Variants in CTNNA3 observed in about 807,000 individuals in gnomAD.
CTNNA3 encodes catenin alpha-3.
CTNNA3 carries 76 observed loss-of-function variants against 95.7 expected under a neutral mutation model. The ratio of observed to expected loss-of-function variants is 0.79; its 90% CI spans 0.66 to 0.96. CTNNA3 has a LOEUF of 0.96. CTNNA3 is among the 40% of genes least tolerant of loss of function. The probability of loss-of-function intolerance (pLI) is 0.00; values close to 1 mark genes in which losing one functional copy is unlikely to be tolerated. For missense variants in CTNNA3, 1,191 were observed against 1,089.8 expected, an observed-to-expected ratio of 1.09 and a Z score of -1.31; for synonymous variants, 431 against 374.4, an observed-to-expected ratio of 1.15 and a Z score of -1.74.
chr10:66,302,429 C>A (rs1299725711), intron 12 of CTNNA3, among the ~76,000 whole-genome samples: 1 of 152,036 alleles, frequency 6.6e-6, no homozygotes, highest in Non-Finnish European at 1.5e-5. Context: ...TACTATAAAG[C>A]TACAGTAATC....
intron 1 of CTNNA3, among the ~76,000 whole-genome samples, chr10:67,690,570 T>C (rs1840824631): frequency 6.6e-6 from 1 of 152,150 alleles, no homozygotes; most frequent in Admixed American, 6.5e-5. Flanking sequence ...AGAGCGCTGA[T>C]TGGTGCATTT....
At chr10:67,045,261 A>G (rs1854654031) in intron 7 of CTNNA3, among the ~76,000 whole-genome samples, 1 of 152,244 alleles carries the variant, frequency 6.6e-6, no homozygotes, top group African/African-American at 2.4e-5. Flanking sequence ...TTGTGACAGT[A>G]GAGTATAAAC....
At chr10:66,708,010 A>C (rs1848172327) in intron 9 of CTNNA3, among the ~76,000 whole-genome samples, 1 of 152,132 alleles carries the variant, frequency 6.6e-6, no homozygotes, top group Non-Finnish European at 1.5e-5. Context: ...AAAGTCACTC[A>C]ATCTAGGGTC....
In CTNNA3 at chr10:67,192,078, T is replaced by A. The variant is rs1379756397; in HGVS notation, c.844-11558A>T. 3.3e-5 allele frequency among the ~76,000 whole-genome samples: 5 copies of A among 151,848 alleles called. No individual in the cohort carries two copies. The East Asian group carries it at 9.6e-4, about 29-fold the overall frequency. On this transcript the variant is annotated intron_variant, in intron 6 of 17. Coordinates refer to ENST00000433211, the MANE Select transcript of CTNNA3 (RefSeq NM_013266.4). The stretch of plus-strand genomic sequence containing the variant: ...CCCTTATCTACACCACTCACAAAAA[T>A]TAACTTGAAATGGATAAAAGACATA...
chr10:66,066,012 T>C (rs1172182125), intron 15 of CTNNA3, among the ~76,000 whole-genome samples: 1 of 151,998 alleles, frequency 6.6e-6, no homozygotes, highest in Non-Finnish European at 1.5e-5. Flanking sequence ...TACAGGTGCA[T>C]GCCACCACAC....
intron 7 of CTNNA3, among the ~76,000 whole-genome samples, chr10:67,163,050 C>G (rs1861616138): frequency 1.3e-5 from 2 of 151,826 alleles, no homozygotes; most frequent in African/African-American, 4.8e-5. Context: ...AGAACACTGC[C>G]AAATATTTAA....
chr10:66,401,247 C>A (rs2093017406), intron 11 of CTNNA3, among the ~76,000 whole-genome samples: 1 of 152,066 alleles, frequency 6.6e-6, no homozygotes, highest in African/African-American at 2.4e-5. Context: ...TACATATAGT[C>A]CGGGAGCAGT....
At chr10:66,226,155 T>C (rs1275078100) in intron 13 of CTNNA3, among the ~76,000 whole-genome samples, 2 of 152,022 alleles carry the variant, frequency 1.3e-5, no homozygotes, top group Non-Finnish European at 2.9e-5. Flanking sequence ...CCAATATCTC[T>C]AGTTTTCTTC....
At chr10:65,927,475 T>A (rs985394391) in intron 17 of CTNNA3, among the ~76,000 whole-genome samples, 2 of 152,186 alleles carry the variant, frequency 1.3e-5, no homozygotes, top group Non-Finnish European at 2.9e-5. Context: ...ACCCCAGGTA[T>A]CAGGCATCCA....
chr10:67,219,556 T>C (rs1368557067), intron 6 of CTNNA3, 51 bp downstream of exon 6: 1 of 1,520,568 alleles, frequency 6.6e-7, no homozygotes, highest in East Asian at 2.3e-5. Context: ...TTTATTATTA[T>C]TATTACTGTA....
chr10:67,009,958 C>T (rs1470697991), intron 7 of CTNNA3, among the ~76,000 whole-genome samples: 2 of 152,062 alleles, frequency 1.3e-5, no homozygotes, highest in Admixed American at 6.6e-5. Context: ...AAGCAAGAAC[C>T]CTGTCATTCT....
At chr10:66,835,758 T>A (rs1195669684) in intron 7 of CTNNA3, among the ~76,000 whole-genome samples, 1 of 152,168 alleles carries the variant, frequency 6.6e-6, no homozygotes. Context: ...ACATAGTTTC[T>A]CCTCCCTCAA....
intron 4 of CTNNA3, among the ~76,000 whole-genome samples, chr10:67,533,541 T>A (rs896899699): frequency 6.6e-6 from 1 of 152,222 alleles, no homozygotes; most frequent in Non-Finnish European, 1.5e-5. Context: ...TCAGCACTTT[T>A]TTCCTCTGTC....
intron 7 of CTNNA3, chr10:67,097,845 G>A (rs1360094858): frequency 6.5e-7 from 1 of 1,542,426 alleles, no homozygotes; most frequent in Non-Finnish European, 9.0e-7. Flanking sequence ...GTAACCTCAA[G>A]GACAAAATGA....
chr10:66,275,011 A>G (rs897780548), intron 13 of CTNNA3, among the ~76,000 whole-genome samples: 6 of 152,170 alleles, frequency 3.9e-5, no homozygotes, highest in Non-Finnish European at 7.3e-5. Context: ...AGTCTACTTT[A>G]TAAATAATAT....
intron 1 of CTNNA3, among the ~76,000 whole-genome samples, chr10:67,735,628 T>C (rs1235608738): frequency 2.0e-5 from 3 of 152,170 alleles, no homozygotes; most frequent in African/African-American, 7.2e-5. Context: ...AAGATGGTTA[T>C]GTTTTTAAAA....
chr10:67,335,894 T>G (rs915720792), intron 5 of CTNNA3, among the ~76,000 whole-genome samples: 3 of 152,190 alleles, frequency 2.0e-5, no homozygotes, highest in African/African-American at 7.2e-5. Flanking sequence ...GTGTTTTTTT[T>G]TTTTTTTACA....
At chr10:67,017,457 G>A (rs1460130697) in intron 7 of CTNNA3, among the ~76,000 whole-genome samples, 1 of 152,132 alleles carries the variant, frequency 6.6e-6, no homozygotes, top group East Asian at 1.9e-4. Context: ...TGTGAGCCAC[G>A]ATTAGTCCTC....
intron 14 of CTNNA3, among the ~76,000 whole-genome samples, chr10:66,095,589 C>G (rs531648208): frequency 6.6e-6 from 1 of 152,092 alleles, no homozygotes; most frequent in African/African-American, 2.4e-5. Context: ...GAGTAAACCA[C>G]TCATCCATGG....
Sources: allele counts gnomAD v4.1 joint callset (sites outside exome capture counted in the v4.1 genomes callset), GRCh38; gene constraint gnomAD v4.1.1; transcripts MANE v1.5; gene names NCBI Gene and HGNC (gene_info 2026-07-23, HGNC 2026-07-21).